The following DYRK2 variants were observed in gnomAD, a reference collection of about 807,000 sequenced individuals.
The protein encoded by DYRK2 is dual specificity tyrosine phosphorylation regulated kinase 2.
DYRK2 carries 12 observed loss-of-function variants against 41.6 expected under a neutral mutation model. The ratio of observed to expected loss-of-function variants is 0.29; its 90% CI spans 0.18 to 0.47. DYRK2 has a LOEUF of 0.47. DYRK2 is among the 20% of genes least tolerant of loss of function. The pLI is 1.00. For missense variants in DYRK2, 678 were observed against 798.4 expected (o/e 0.85, Z 1.82); for synonymous variants, 322 against 315.7 (o/e 1.02, Z -0.21).
chr12:67,651,527 A>G (rs1872321096), intron 2 of DYRK2: 1 of 452,136 alleles, frequency 2.2e-6, no homozygotes, highest in Non-Finnish European at 4.4e-6. Flanking sequence ...AAAAGGAAGG[A>G]TGCGAATGTG....
At chr12:67,656,559 T>G (rs1872474506) in intron 2 of DYRK2, among the ~76,000 whole-genome samples, 1 of 152,232 alleles carries the variant, frequency 6.6e-6, no homozygotes, top group South Asian at 2.1e-4. Flanking sequence ...CACTGGATCA[T>G]GTGTGCACTT....
intron 2 of DYRK2, among the ~76,000 whole-genome samples, chr12:67,650,392 A>T (rs1037594770): frequency 3.9e-5 from 6 of 152,166 alleles, no homozygotes; most frequent in African/African-American, 7.2e-5. Flanking sequence ...TCCCCCAAAG[A>T]GCCTCCCAGG....
rs925846387 is a variant in DYRK2, at chr12:67,649,049, A to AGGCGGC, written c.-75_-70dup. The AGGCGGC allele has an allele frequency of 7.6e-6, 9 of 1,191,916 alleles. No individual in the cohort carries two copies. Among genetic ancestry groups the AGGCGGC allele is most frequent in the African/African-American group, 6.7e-5 (4 of 59,884 alleles). 73.8% of individuals were successfully genotyped at this position (1,191,916 alleles called of 1,614,324 possible). ...GGGACCCGCGCGAGGGGCGGCCGGG[A>AGGCGGC]GGCGGCGGCGGCGGCCGCCAGAAGT... On this transcript the variant is annotated 5_prime_UTR_variant, in exon 1 of 3. Coordinates refer to ENST00000344096, the MANE Select transcript of DYRK2 (RefSeq NM_006482.3).
chr12:67,652,372 A>G (rs920851570), intron 2 of DYRK2: 7 of 152,188 alleles, frequency 4.6e-5, no homozygotes, highest in African/African-American at 1.7e-4. Flanking sequence ...TAACTTTTGT[A>G]ACTGTTTTAC....
At chr12:67,651,187 G>T (rs1044861816) in intron 2 of DYRK2, among the ~76,000 whole-genome samples, 2 of 152,214 alleles carry the variant, frequency 1.3e-5, no homozygotes, top group African/African-American at 2.4e-5. Context: ...ACTGTGGATG[G>T]TATAGTAGGA....
intron 2 of DYRK2, among the ~76,000 whole-genome samples, 176 bp downstream of exon 2, chr12:67,650,121 A>C (rs1368511016): frequency 6.6e-6 from 1 of 152,236 alleles, no homozygotes; most frequent in African/African-American, 2.4e-5. Flanking sequence ...GGCGAGCCCA[A>C]AGCTGCAGCC....
intron 1 of DYRK2, 41 bp downstream of exon 1, chr12:67,649,223 G>C: frequency 8.3e-6 from 12 of 1,444,640 alleles, no homozygotes; most frequent in Non-Finnish European, 9.2e-6. Context: ...CCGGACCCCC[G>C]CCGGCCCTGG....
intron 1 of DYRK2, 28 bp downstream of exon 1, chr12:67,649,210 T>A: frequency 1.4e-6 from 2 of 1,473,638 alleles, no homozygotes; most frequent in South Asian, 2.6e-5. Context: ...CCGCGCCGCA[T>A]CCCCGGACCC....
chr12:67,653,760 A>C (rs917967072), intron 2 of DYRK2, among the ~76,000 whole-genome samples: 5 of 152,340 alleles, frequency 3.3e-5, no homozygotes, highest in Non-Finnish European at 5.9e-5. Flanking sequence ...TTCCATCCCA[A>C]AGATATTTAT....
At chr12:67,655,681 G>T (rs1332288335) in intron 2 of DYRK2, among the ~76,000 whole-genome samples, 1 of 152,202 alleles carries the variant, frequency 6.6e-6, no homozygotes, top group Non-Finnish European at 1.5e-5. Flanking sequence ...GAAGTGGGCA[G>T]AGAGGAAGCT....
At position 67,661,650 on chromosome 12, in the gene DYRK2, T is replaced by TA. The variant is rs1403863468; in HGVS notation, c.*2938dup. ...GATACATCTGTCTTAAATATCTAGTTACAGGCCTTAATAGAAACCATAAGG... is the reference window on the plus strand; with the variant it reads ...GATACATCTGTCTTAAATATCTAGTTAACAGGCCTTAATAGAAACCATAAGG... On this transcript the variant is annotated 3_prime_UTR_variant, in exon 3 of 3. Coordinates refer to ENST00000344096, the MANE Select transcript of DYRK2 (RefSeq NM_006482.3). 1.8e-5 allele frequency: 3 copies of TA among 167,044 alleles called. No homozygotes were observed. The highest frequency in any genetic ancestry group is 2.9e-5 in the Non-Finnish European group (2 of 68,088). 10.3% of individuals were successfully genotyped at this position (167,044 alleles called of 1,614,324 possible).
chr12:67,651,696 T>A (rs1228094550), intron 2 of DYRK2: 1 of 451,492 alleles, frequency 2.2e-6, no homozygotes, highest in Admixed American at 2.4e-5. Flanking sequence ...TAGTTTTGAT[T>A]TTATTTCTAT....
rs1258445807 is a variant in DYRK2, at chr12:67,662,286, T to C, written c.*3573T>C. The C allele has an allele frequency of 1.8e-5, 3 of 167,004 alleles. No individual in the cohort carries two copies. In the East Asian group the frequency reaches 5.8e-4, roughly 32 times the overall value. The allele number at this position is 167,004 out of a possible 1,614,324, so 10.3% of individuals were successfully genotyped here. Reference sequence around the variant, plus strand: ...TTTCTTAGGGGCTTGTACATCTCTCTGCTATGGACATACATAAAATTAATT... The same window carrying C: ...TTTCTTAGGGGCTTGTACATCTCTCCGCTATGGACATACATAAAATTAATT... On this transcript the variant is annotated 3_prime_UTR_variant, in exon 3 of 3. Coordinates refer to ENST00000344096, the MANE Select transcript of DYRK2 (RefSeq NM_006482.3).
In DYRK2 at chr12:67,649,154, G is replaced by A. The variant is rs897536383; in HGVS notation, c.21G>A (p.Ser7=). 1 of 1,511,284 alleles carries A rather than the reference G, an allele frequency of 6.6e-7. No individual in the cohort carries two copies. The highest frequency in any genetic ancestry group is 1.8e-4 in the Middle Eastern group (1 of 5,686). 93.6% of individuals were successfully genotyped at this position (1,511,284 alleles called of 1,614,324 possible). Residue 7 remains serine, a synonymous_variant, in exon 1 of 3, where the codon TCG becomes TCA. Transcript: ENST00000344096. MLTRKP[S]AAAPAAYPTG... is the part of the protein sequence containing the mutation. ...CGGCCATGTTAACCAGGAAACCTTC[G>A]GCCGCCGCTCCCGCCGCCTACCCGA... is the stretch of plus-strand genomic sequence containing the variant.
At position 67,661,007 on chromosome 12, in the gene DYRK2, A is replaced by G. The variant is rs1335090945; in HGVS notation, c.*2294A>G. On this transcript the variant is annotated 3_prime_UTR_variant, in exon 3 of 3. Transcript: ENST00000344096. ...CCACCGCACAAAACTGGTTCTTAAG[A>G]TGCCAGCAATGAATTTGAGACTATC... The G allele has an allele frequency of 8.4e-5, 14 of 166,926 alleles. No individual in the cohort carries two copies. Among genetic ancestry groups the G allele is most frequent in the African/African-American group, 3.1e-4 (13 of 41,414 alleles). 10.3% of individuals were successfully genotyped at this position (166,926 alleles called of 1,614,324 possible). A position where few individuals can be genotyped will look rare whatever the true frequency, so the allele number is the denominator to read the frequency against.
intron 2 of DYRK2, among the ~76,000 whole-genome samples, chr12:67,653,405 A>G (rs938130213): frequency 2.6e-5 from 4 of 152,188 alleles, no homozygotes; most frequent in African/African-American, 7.2e-5. Context: ...TGAGATTCAA[A>G]GTCTTCTTTT....
In DYRK2 at chr12:67,659,856, A is replaced by G. The variant is rs1872577573; in HGVS notation, c.*1143A>G. ...TTGGCTGTTCAGTAAGGCCAATGTT[A>G]ACAACACGTTTAGAGGAGGAAAAGT... On this transcript the variant is annotated 3_prime_UTR_variant, in exon 3 of 3. Coordinates refer to ENST00000344096, the MANE Select transcript of DYRK2 (RefSeq NM_006482.3). The G allele has an allele frequency of 1.8e-5, 3 of 167,106 alleles. No individual in the cohort carries two copies. The highest frequency in any genetic ancestry group is 7.2e-5 in the African/African-American group (3 of 41,460). The allele number at this position is 167,106 out of a possible 1,614,324, so 10.4% of individuals were successfully genotyped here.
In DYRK2 at chr12:67,662,838, A is replaced by G. The variant is rs934004077; in HGVS notation, c.*4125A>G. On this transcript the variant is annotated 3_prime_UTR_variant, in exon 3 of 3. Coordinates refer to ENST00000344096, the MANE Select transcript of DYRK2 (RefSeq NM_006482.3). ...TTCATAGCAATACTTTATTAGTTCA[A>G]TATAAGTATGCAGATTCCAAGTGGA... 1 of 152,388 alleles carries G rather than the reference A, an allele frequency of 6.6e-6. No homozygotes were observed. The highest frequency in any genetic ancestry group is 2.4e-5 in the African/African-American group (1 of 41,452). 9.4% of individuals were successfully genotyped at this position (152,388 alleles called of 1,614,324 possible).
In DYRK2 at chr12:67,664,070, CAG is replaced by C. The variant is rs1372383660; in HGVS notation, c.*5359_*5360del. 6.6e-6 allele frequency: 1 copy of C among 152,044 alleles called. No homozygotes were observed. The highest frequency in any genetic ancestry group is 2.4e-5 in the African/African-American group (1 of 41,390). The allele number at this position is 152,044 out of a possible 1,614,324, so 9.4% of individuals were successfully genotyped here. ...ACTTGATTTCCTTTGGGTTATTAGG[CAG>C]ATAAACCCTTGTCATTAGTAATACT... is the stretch of plus-strand genomic sequence containing the variant. On this transcript the variant is annotated 3_prime_UTR_variant, in exon 3 of 3. Coordinates refer to ENST00000344096, the MANE Select transcript of DYRK2 (RefSeq NM_006482.3).
Sources: gnomAD v4.1 joint callset for allele counts (sites outside exome capture counted in the v4.1 genomes callset) on GRCh38, gnomAD v4.1.1 for gene constraint, MANE v1.5 for transcripts, NCBI Gene and HGNC (gene_info 2026-07-23, HGNC 2026-07-21) for gene names.